Variants in BUB1 observed in about 807,000 individuals in gnomAD.
The protein encoded by BUB1 is mitotic checkpoint serine/threonine-protein kinase BUB1.
Under a neutral mutation model 135.2 loss-of-function variants are expected in BUB1, and 84 were observed. That is an observed-to-expected ratio of 0.62 (90% confidence interval 0.52 to 0.74). The LOEUF (loss-of-function observed/expected upper bound fraction) is 0.74, where lower values mean the gene tolerates loss of function less well. Among genes scored for constraint, BUB1 ranks in the 30% least tolerant of loss-of-function variants. The pLI, the probability that BUB1 is intolerant of heterozygous loss-of-function variation, is 0.00. For synonymous variants in BUB1, 403 were observed against 434.4 expected, an observed-to-expected ratio of 0.93 and a Z score of 0.90; for missense variants, 1,162 against 1,288.3, an observed-to-expected ratio of 0.90 and a Z score of 1.50.
At position 110,650,803 on chromosome 2, in the gene BUB1, TAAAG is replaced by T; in HGVS notation, c.1965-23_1965-20del. The T allele has an allele frequency of 6.3e-7, 1 of 1,592,952 alleles. No individual in the cohort carries two copies. The highest frequency in any genetic ancestry group is 1.1e-5 in the South Asian group (1 of 90,640). On this transcript the variant is annotated intron_variant, in intron 17 of 24. Coordinates refer to ENST00000302759, the MANE Select transcript of BUB1 (RefSeq NM_004336.5). ...AATTGGACTGGACGTGTGAAAGGAA[TAAAG>T]AAACCAAAACACCACATGATTAGAA... is the stretch of plus-strand genomic sequence containing the variant.
At chr2:110,663,844 G>T (rs987987094) in intron 9 of BUB1, among the ~76,000 whole-genome samples, 9 of 152,020 alleles carry the variant, frequency 5.9e-5, no homozygotes, top group Admixed American at 5.2e-4. Flanking sequence ...CTGGTAACAC[G>T]GTGAAACCCT....
rs752778992 is a variant in BUB1, at chr2:110,657,667, C to T, written c.1517-22G>A. The T allele has an allele frequency of 4.0e-6, 6 of 1,507,610 alleles. No individual in the cohort carries two copies. The Admixed American group carries it at 1.2e-4, about 31-fold the overall frequency. The allele number at this position is 1,507,610 out of a possible 1,614,324, so 93.4% of individuals were successfully genotyped here. A position where few individuals can be genotyped will look rare whatever the true frequency, so the allele number is the denominator to read the frequency against. ...TTTTCTGCAACAGAATAAAAAATAG[C>T]ATCTAATTATTGTACTAGGAAAAAA... On this transcript the variant is annotated intron_variant, in intron 13 of 24. Transcript: ENST00000302759.
At chr2:110,659,884 G>A (rs980891257) in intron 11 of BUB1, 94 bp downstream of exon 11, 42 of 964,616 alleles carry the variant, frequency 4.4e-5, no homozygotes, top group East Asian at 3.7e-4. Context: ...GTTCATTAAG[G>A]CCTGAAGCCT....
At position 110,657,029 on chromosome 2, in the gene BUB1, T is replaced by G; in HGVS notation, c.1698+7A>C. ...ACCCATTTCATAGATAAAACAGGTT[T>G]GTTTACCTTTGGTTTTGAAGGAAGT... On this transcript the variant is annotated splice_region_variant and intron_variant, in intron 15 of 24. Transcript: ENST00000302759. The G allele has an allele frequency of 6.2e-7, 1 of 1,609,532 alleles. No homozygotes were observed. The highest frequency in any genetic ancestry group is 8.5e-7 in the Non-Finnish European group (1 of 1,177,090).
intron 10 of BUB1, chr2:110,661,347 A>T (rs927641868): frequency 1.9e-6 from 1 of 513,550 alleles, no homozygotes; most frequent in African/African-American, 1.9e-5. Flanking sequence ...AGGTACTGAA[A>T]ATTTTTAATT....
chr2:110,668,265 T>C (rs985336462), intron 6 of BUB1, among the ~76,000 whole-genome samples: 6 of 152,026 alleles, frequency 3.9e-5, no homozygotes, highest in Non-Finnish European at 8.8e-5. Context: ...GTTCTCAAAT[T>C]CCTTCACTAA....
At chr2:110,677,911 C>G in intron 1 of BUB1, 59 bp downstream of exon 1, 1 of 1,569,878 alleles carries the variant, frequency 6.4e-7, no homozygotes, top group Non-Finnish European at 8.6e-7. Context: ...GCGGGCCGGG[C>G]CCGAACCCCA....
intron 24 of BUB1, among the ~76,000 whole-genome samples, chr2:110,638,744 G>C (rs1689424259): frequency 6.6e-6 from 1 of 152,224 alleles, no homozygotes; most frequent in Non-Finnish European, 1.5e-5. Context: ...CTTCACACTG[G>C]TGGTCAGAGA....
At position 110,666,290 on chromosome 2, in the gene BUB1, A is replaced by T. The variant is rs1243259218; in HGVS notation, c.930T>A (p.Asp310Glu). Residue 310 changes from aspartate to glutamate, a missense_variant, in exon 9 of 25, where the codon GAT becomes GAA. Coordinates refer to ENST00000302759, the MANE Select transcript of BUB1 (RefSeq NM_004336.5). ...LHQVVETSHE[D>E]LPASQERSEV... ...CGGACCTTTCCTGGGAAGCGGGCAG[A>T]TCCTCATGGGATGTCTCCACCACCT... is the stretch of plus-strand genomic sequence containing the variant. The T allele has an allele frequency of 2.0e-6, 3 of 1,479,756 alleles. No homozygotes were observed. The highest frequency in any genetic ancestry group is 3.1e-5 in the South Asian group (2 of 65,424). 91.7% of individuals were successfully genotyped at this position (1,479,756 alleles called of 1,614,324 possible).
rs1289597246 is a variant in BUB1, at chr2:110,677,987, G to C, written c.9C>G (p.Thr3=). MD[T]PENVLQMLEA... Reference sequence around the variant, plus strand: ...ACACTTACTGAAGGACATTTTCCGGGGTGTCCATGGCCAGAGGACGCTGGC... The same window carrying C: ...ACACTTACTGAAGGACATTTTCCGGCGTGTCCATGGCCAGAGGACGCTGGC... The change falls in exon 1 of 25, where the codon ACC becomes ACG. Residue 3 remains threonine, a synonymous_variant. Coordinates refer to ENST00000302759, the MANE Select transcript of BUB1 (RefSeq NM_004336.5). The C allele has an allele frequency of 1.2e-6, 2 of 1,608,904 alleles. No homozygotes were observed. Among genetic ancestry groups the C allele is most frequent in the East Asian group, 4.5e-5 (2 of 44,642 alleles).
intron 13 of BUB1, 26 bp from the exon 14 acceptor site, chr2:110,657,671 T>G (rs1311593611): frequency 2.7e-6 from 4 of 1,490,382 alleles, no homozygotes; most frequent in Non-Finnish European, 3.6e-6. Context: ...AAATAGCATC[T>G]AATTATTGTA....
intron 3 of BUB1, 24 bp from the exon 4 acceptor site, chr2:110,672,881 A>G: frequency 6.5e-7 from 1 of 1,543,784 alleles, no homozygotes; most frequent in Admixed American, 2.1e-5. Flanking sequence ...AAACAAAAAG[A>G]CATAAGAATA....
At chr2:110,655,618 T>C (rs975808429) in intron 16 of BUB1, 121 bp downstream of exon 16, 15 of 991,122 alleles carry the variant, frequency 1.5e-5, no homozygotes, top group African/African-American at 1.3e-4. Context: ...TTCTTCTTTA[T>C]GATTTTCAAA....
chr2:110,665,046 T>C (rs1488117081), intron 9 of BUB1, among the ~76,000 whole-genome samples: 1 of 152,214 alleles, frequency 6.6e-6, no homozygotes, highest in Non-Finnish European at 1.5e-5. Context: ...AAAGGTAGCA[T>C]GATTTCTAAC....
chr2:110,676,514 T>C (rs1293799548), intron 1 of BUB1: 1 of 152,192 alleles, frequency 6.6e-6, no homozygotes, highest in Non-Finnish European at 1.5e-5. Flanking sequence ...CACATGTGTA[T>C]CCGCAAAATG....
In BUB1 at chr2:110,641,151, G is replaced by A. The variant is rs373249621; in HGVS notation, c.2838C>T (p.Asp946=). 6.2e-7 allele frequency: 1 copy of A among 1,612,678 alleles called. No homozygotes were observed. Among genetic ancestry groups the A allele is most frequent in the Non-Finnish European group, 8.5e-7 (1 of 1,179,592 alleles). ...DDLSAGLALI[D]LGQSIDMKLF... is the part of the protein sequence containing the mutation. ...GTTTCATATCTATACTCTGACCCAG[G>A]TCAATCAGTGCCAAGCCAGCAGATA... Residue 946 remains aspartate (D), a synonymous_variant, in exon 23 of 25, where the codon GAC becomes GAT. Transcript: ENST00000302759.
intron 10 of BUB1, 144 bp downstream of exon 10, chr2:110,661,438 G>T: frequency 3.9e-6 from 4 of 1,021,998 alleles, no homozygotes; most frequent in Non-Finnish European, 5.5e-6. Context: ...TTTGCCACTT[G>T]CTTTTTCAAC....
At position 110,649,391 on chromosome 2, in the gene BUB1, GAAAA is replaced by G; in HGVS notation, c.2204-18_2204-15del. 6.4e-5 allele frequency: 72 copies of G among 1,126,738 alleles called. No individual in the cohort carries two copies. The highest frequency in any genetic ancestry group is 3.5e-4 in the South Asian group (15 of 42,294). The allele number at this position is 1,126,738 out of a possible 1,614,324, so 69.8% of individuals were successfully genotyped here. ...CAACAATGAAGTCTTAAAGGAATGA[GAAAA>G]AAAAAAAAAAAGGGAACATGAATTG... is the stretch of plus-strand genomic sequence containing the variant. On this transcript the variant is annotated splice_polypyrimidine_tract_variant and intron_variant, in intron 18 of 24. Coordinates refer to ENST00000302759, the MANE Select transcript of BUB1 (RefSeq NM_004336.5).
intron 10 of BUB1, chr2:110,661,166 A>C (rs72942127): frequency 0.022 from 3,502 of 156,806 alleles, 126 homozygotes; most frequent in African/African-American, 0.079. Context: ...AATCATGTGT[A>C]TTAATCCCAA....
Sources: gnomAD v4.1 joint callset for allele counts (sites outside exome capture counted in the v4.1 genomes callset) on GRCh38, gnomAD v4.1.1 for gene constraint, MANE v1.5 for transcripts, NCBI Gene and HGNC (gene_info 2026-07-23, HGNC 2026-07-21) for gene names.